FSTL5: variants seen among roughly 807,000 people sequenced by gnomAD.
FSTL5 encodes the protein follistatin-related protein 5.
FSTL5 carries 62 observed loss-of-function variants against 89.1 expected under a neutral mutation model. That is an observed-to-expected ratio of 0.70 (90% CI 0.57 to 0.86). The LOEUF is 0.86. Ranked by LOEUF, FSTL5 falls within the 40% of genes least tolerant of loss-of-function variation. The pLI is 0.00. For synonymous variants in FSTL5, 383 were observed against 346.2 expected, an observed-to-expected ratio of 1.11 and a Z score of -1.18; for missense variants, 1,057 against 1,001.6, an observed-to-expected ratio of 1.06 and a Z score of -0.75.
At chr4:161,592,842 C>T (rs953055472) in intron 7 of FSTL5, among the ~76,000 whole-genome samples, 48 of 152,286 alleles carry the variant, frequency 3.2e-4, no homozygotes, top group Admixed American at 2.0e-3. Flanking sequence ...CTTGAGGAAT[C>T]GCCACACTGT....
At chr4:161,419,048 A>G (rs1226962131) in intron 15 of FSTL5, among the ~76,000 whole-genome samples, 1 of 152,186 alleles carries the variant, frequency 6.6e-6, no homozygotes, top group Non-Finnish European at 1.5e-5. Flanking sequence ...AGCTTCCTAA[A>G]CATCTTAAAC....
At chr4:162,104,161 G>C (rs148187210) in intron 2 of FSTL5, among the ~76,000 whole-genome samples, 2 of 152,296 alleles carry the variant, frequency 1.3e-5, no homozygotes, top group South Asian at 2.1e-4. Flanking sequence ...CTGATCCAGC[G>C]AGGCGCCTAT....
chr4:161,917,193 T>G (rs7686594), intron 4 of FSTL5, among the ~76,000 whole-genome samples: 127,713 of 152,078 alleles, frequency 0.84, 54,071 homozygotes, highest in Non-Finnish European at 0.89. Flanking sequence ...CCTGGCCTCG[T>G]GATCCACCCG....
intron 4 of FSTL5, among the ~76,000 whole-genome samples, chr4:161,896,906 T>C (rs932050399): frequency 1.3e-5 from 2 of 152,118 alleles, no homozygotes; most frequent in African/African-American, 4.8e-5. Context: ...AAGATACCAT[T>C]GGCATATATA....
chr4:161,522,867 T>A (rs563698296), intron 10 of FSTL5, among the ~76,000 whole-genome samples: 7 of 151,954 alleles, frequency 4.6e-5, no homozygotes, highest in Admixed American at 6.5e-5. Flanking sequence ...ATATCTCATT[T>A]ATTATATTTT....
At chr4:161,588,498 A>C (rs149251858) in intron 7 of FSTL5, among the ~76,000 whole-genome samples, 3,115 of 152,196 alleles carry the variant, frequency 0.02, 101 homozygotes, top group African/African-American at 0.069. Flanking sequence ...AAAAAAAAGA[A>C]AGGAAGAAAA....
intron 5 of FSTL5, among the ~76,000 whole-genome samples, chr4:161,763,074 A>T (rs1579074793): frequency 6.6e-6 from 1 of 152,184 alleles, no homozygotes. Flanking sequence ...AAACTTGACC[A>T]TCCGCAAAAT....
intron 2 of FSTL5, among the ~76,000 whole-genome samples, chr4:162,053,413 T>A (rs1349497378): frequency 6.6e-6 from 1 of 151,762 alleles, no homozygotes; most frequent in East Asian, 1.9e-4. Context: ...GCTTCATCTT[T>A]GAGAATCTGT....
At chr4:161,520,426 TATC>T (rs1226825412) in intron 10 of FSTL5, among the ~76,000 whole-genome samples, 1 of 151,884 alleles carries the variant, frequency 6.6e-6, no homozygotes, top group Non-Finnish European at 1.5e-5. Flanking sequence ...CAATATTTAT[TATC>T]AGGATAAAAA....
At chr4:161,389,735 T>C (rs976199924) in intron 15 of FSTL5, among the ~76,000 whole-genome samples, 2 of 152,136 alleles carry the variant, frequency 1.3e-5, no homozygotes, top group Non-Finnish European at 1.5e-5. Context: ...TGACAGTAAA[T>C]GTATGTATAC....
At chr4:161,873,480 A>T (rs1010352059) in intron 4 of FSTL5, among the ~76,000 whole-genome samples, 4 of 149,532 alleles carry the variant, frequency 2.7e-5, no homozygotes, top group Admixed American at 2.0e-4. Flanking sequence ...TTATTTCCTT[A>T]GTTCCTTCCT....
intron 6 of FSTL5, among the ~76,000 whole-genome samples, chr4:161,658,265 C>T (rs1380936830): frequency 6.6e-6 from 1 of 151,710 alleles, no homozygotes; most frequent in African/African-American, 2.4e-5. Context: ...GGAGTTCGAG[C>T]CTGGCCAACA....
chr4:161,596,917 A>T (rs572991030), intron 7 of FSTL5, among the ~76,000 whole-genome samples: 1 of 152,044 alleles, frequency 6.6e-6, no homozygotes, highest in South Asian at 2.1e-4. Context: ...TCCTTTGTAG[A>T]TTCTGGATAT....
chr4:161,496,959 G>C (rs1310902818), intron 12 of FSTL5, among the ~76,000 whole-genome samples: 1 of 151,990 alleles, frequency 6.6e-6, no homozygotes, highest in Non-Finnish European at 1.5e-5. Flanking sequence ...TTTTCTGATT[G>C]CATAATATTC....
At chr4:161,567,473 T>C (rs997660159) in intron 8 of FSTL5, among the ~76,000 whole-genome samples, 11 of 152,152 alleles carry the variant, frequency 7.2e-5, no homozygotes, top group African/African-American at 2.7e-4. Flanking sequence ...TTAGTCATTA[T>C]ACTGTTTTTT....
chr4:161,911,513 T>G (rs913561879), intron 4 of FSTL5, among the ~76,000 whole-genome samples: 1 of 152,106 alleles, frequency 6.6e-6, no homozygotes, highest in African/African-American at 2.4e-5. Context: ...AGGGGGTCTT[T>G]TGGAAAGATA....
chr4:161,823,316 C>A (rs1730552265), intron 4 of FSTL5, among the ~76,000 whole-genome samples: 1 of 152,170 alleles, frequency 6.6e-6, no homozygotes, highest in Non-Finnish European at 1.5e-5. Flanking sequence ...GCTGTTCATC[C>A]CAAGGGGCGT....
At chr4:161,829,139 T>TATATATA (rs376398343) in intron 4 of FSTL5, among the ~76,000 whole-genome samples, 1 of 139,932 alleles carries the variant, frequency 7.1e-6, no homozygotes, top group Non-Finnish European at 1.5e-5. Flanking sequence ...CAGTCACATT[T>TATATATA]TATATATATA....
chr4:161,513,676 T>C (rs1490655272), intron 10 of FSTL5, among the ~76,000 whole-genome samples: 1 of 152,174 alleles, frequency 6.6e-6, no homozygotes, highest in Non-Finnish European at 1.5e-5. Flanking sequence ...AACAGGATCA[T>C]GTCCTTTGCA....
Sources: gnomAD v4.1 joint callset for allele counts (sites outside exome capture counted in the v4.1 genomes callset) on GRCh38, gnomAD v4.1.1 for gene constraint, MANE v1.5 for transcripts, NCBI Gene and HGNC (gene_info 2026-07-23, HGNC 2026-07-21) for gene names.